The following SMS variants were observed in gnomAD, a reference collection of about 807,000 sequenced individuals.
SMS encodes spermidine aminopropyltransferase.
SMS carries 3 observed loss-of-function variants against 33.0 expected under a neutral mutation model. That is an observed-to-expected ratio of 0.09 (90% CI 0.04 to 0.23). SMS has a LOEUF of 0.23. Among genes scored for constraint, SMS ranks in the 10% least tolerant of loss-of-function variants. SMS has a pLI of 1.00. For synonymous variants in SMS, 103 were observed against 112.2 expected, an observed-to-expected ratio of 0.92 and a Z score of 0.52; for missense variants, 117 against 288.6, an observed-to-expected ratio of 0.41 and a Z score of 4.31.
At chrX:21,988,456 G>C (rs1250732739) in intron 9 of SMS, among the ~76,000 whole-genome samples, 1 of 109,424 alleles carries the variant, frequency 9.1e-6, no homozygotes, top group Non-Finnish European at 1.9e-5. Context: ...ACGAGATCAG[G>C]AGATAAAGAT....
intron 8 of SMS, among the ~76,000 whole-genome samples, chrX:21,984,875 T>C (rs973310667): frequency 1.8e-5 from 2 of 111,500 alleles, no homozygotes; most frequent in African/African-American, 6.5e-5. Flanking sequence ...TGCCCCCTTA[T>C]TTAAAGCAGT....
At chrX:21,980,629 C>G (rs185761542) in intron 7 of SMS, among the ~76,000 whole-genome samples, 1 of 109,423 alleles carries the variant, frequency 9.1e-6, no homozygotes, top group Admixed American at 9.9e-5. Context: ...GCCATTTCCA[C>G]TGAAAATAGG....
chrX:21,967,165 A>C, intron 1 of SMS, 31 bp from the exon 2 acceptor site: 2 of 1,205,364 alleles, frequency 1.7e-6, no homozygotes, highest in Non-Finnish European at 2.2e-6. Context: ...TTTCTTTCTG[A>C]CCATCTTGCC....
chrX:21,950,219 C>T (rs924394737), intron 1 of SMS, among the ~76,000 whole-genome samples: 2 of 110,934 alleles, frequency 1.8e-5, no homozygotes, highest in Non-Finnish European at 3.8e-5. Flanking sequence ...TTATAAATGG[C>T]TTAACACTGA....
intron 9 of SMS, 50 bp from the exon 10 acceptor site, chrX:21,992,547 G>A: frequency 1.4e-6 from 1 of 733,737 alleles, no homozygotes; most frequent in Non-Finnish European, 2.2e-6. Flanking sequence ...GATGAGTGGG[G>A]CCCTTGGAAG....
chrX:21,961,333 T>C lies in SMS; in HGVS notation c.50-5863T>C, dbSNP rs564284707. 2.7e-5 allele frequency among the ~76,000 whole-genome samples: 3 copies of C among 110,145 alleles called. No individual in the cohort carries two copies. In the South Asian group the frequency reaches 1.2e-3, roughly 43 times the overall value. ...TTGGGGTAGGCTCTGGTGGGAGGCTTGGGGGAGCCTGTTATGGGGAATGTT... is the reference window on the plus strand; with the variant it reads ...TTGGGGTAGGCTCTGGTGGGAGGCTCGGGGGAGCCTGTTATGGGGAATGTT... On this transcript the variant is annotated intron_variant, in intron 1 of 10. Transcript: ENST00000404933.
chrX:21,992,656 G>A lies in SMS; in HGVS notation c.1005G>A (p.Leu335=). Residue 335 remains leucine (L), a synonymous_variant, in exon 10 of 11, where the codon CTG becomes CTA. Coordinates refer to ENST00000404933, the MANE Select transcript of SMS (RefSeq NM_004595.5). The part of the protein sequence containing the change: ...LSLYEEQLGR[L]YCPVEFSKEI... ...TCTATGAAGAACAGCTGGGGCGCCT[G>A]TATTGTCCTGTGGAATTTTCAAAGG... 1 of 1,204,840 alleles carries A rather than the reference G, an allele frequency of 8.3e-7. No homozygotes were observed.
At chrX:21,987,098 C>T (rs540008839) in intron 9 of SMS, among the ~76,000 whole-genome samples, 28 of 105,890 alleles carry the variant, frequency 2.6e-4, no homozygotes, top group Middle Eastern at 5.1e-3. Flanking sequence ...TGGGTTCAAG[C>T]GATTCTCCTG....
chrX:21,952,240 TA>T (rs1437902000), intron 1 of SMS, among the ~76,000 whole-genome samples: 1 of 111,738 alleles, frequency 8.9e-6, no homozygotes, highest in Non-Finnish European at 1.9e-5. Flanking sequence ...AGTATTATGC[TA>T]ACTGTAGGTT....
intron 1 of SMS, among the ~76,000 whole-genome samples, chrX:21,966,676 T>C (rs1326918374): frequency 8.9e-6 from 1 of 111,870 alleles, no homozygotes; most frequent in African/African-American, 3.3e-5. Flanking sequence ...TTTCCAGTTA[T>C]AAAAGCAGCA....
chrX:21,987,208 G>A (rs1925407571), intron 9 of SMS, among the ~76,000 whole-genome samples: 1 of 111,628 alleles, frequency 9.0e-6, no homozygotes, highest in South Asian at 3.7e-4. Context: ...TGTTGGTCAG[G>A]CTGGTCTCGA....
At chrX:21,970,918 C>T (rs921851792) in intron 2 of SMS, among the ~76,000 whole-genome samples, 10 of 110,065 alleles carry the variant, frequency 9.1e-5, no homozygotes, top group Admixed American at 2.9e-4. Flanking sequence ...ATGCATAGGC[C>T]GGGCATGGTG....
At chrX:21,959,063 T>C (rs186678421) in intron 1 of SMS, among the ~76,000 whole-genome samples, 1 of 111,940 alleles carries the variant, frequency 8.9e-6, no homozygotes, top group East Asian at 2.8e-4. Flanking sequence ...ACTGTGAACA[T>C]CTGTGTCAGC....
intron 7 of SMS, among the ~76,000 whole-genome samples, chrX:21,980,280 G>A (rs1924827536): frequency 9.2e-6 from 1 of 108,200 alleles, no homozygotes; most frequent in Non-Finnish European, 1.9e-5. Context: ...AGCCAGGTGT[G>A]GCGGCGTGTG....
At chrX:21,955,732 G>A (rs1236777283) in intron 1 of SMS, among the ~76,000 whole-genome samples, 1 of 111,617 alleles carries the variant, frequency 9.0e-6, no homozygotes, top group Admixed American at 9.5e-5. Flanking sequence ...TTAAGCTGAC[G>A]GGGCCCACTG....
At chrX:21,943,817 A>T (rs1921996686) in intron 1 of SMS, among the ~76,000 whole-genome samples, 1 of 111,797 alleles carries the variant, frequency 8.9e-6, no homozygotes, top group South Asian at 3.7e-4. Context: ...TTGGGATCTA[A>T]GTTCACTTAG....
At chrX:21,941,220 C>T (rs1921741496) in intron 1 of SMS, 1 of 113,537 alleles carries the variant, frequency 8.8e-6, no homozygotes, top group Non-Finnish European at 1.8e-5. Flanking sequence ...CGGGGAGTCC[C>T]CGGGCTGCCG....
chrX:21,949,690 G>C (rs1485753323), intron 1 of SMS, among the ~76,000 whole-genome samples: 1 of 111,940 alleles, frequency 8.9e-6, no homozygotes, highest in African/African-American at 3.2e-5. Flanking sequence ...CTCCCTTCTA[G>C]AAGGACTGTA....
intron 7 of SMS, among the ~76,000 whole-genome samples, chrX:21,983,637 C>T (rs908087601): frequency 9.0e-6 from 1 of 111,156 alleles, no homozygotes; most frequent in African/African-American, 3.3e-5. Flanking sequence ...GTAGCCCAAG[C>T]GTTAGAGAAA....
Sources: gnomAD v4.1 joint callset for allele counts (sites outside exome capture counted in the v4.1 genomes callset) on GRCh38, gnomAD v4.1.1 for gene constraint, MANE v1.5 for transcripts, NCBI Gene and HGNC (gene_info 2026-07-23, HGNC 2026-07-21) for gene names.